The following GRIA3 variants were observed in gnomAD, a reference collection of about 807,000 sequenced individuals.
GRIA3 encodes the protein glutamate ionotropic receptor AMPA type subunit 3, also known as glutamate receptor 3.
Under a neutral mutation model 63.0 loss-of-function variants are expected in GRIA3, and 3 were observed. The ratio of observed to expected loss-of-function variants is 0.05; its 90% CI spans 0.02 to 0.12. The LOEUF (loss-of-function observed/expected upper bound fraction) is 0.12, where lower values mean the gene tolerates loss of function less well. Ranked by LOEUF, GRIA3 falls within the 10% of genes least tolerant of loss-of-function variation. The pLI is 1.00. For synonymous variants in GRIA3, 274 were observed against 257.9 expected (o/e 1.06, Z -0.60); for missense variants, 347 against 700.9 (o/e 0.50, Z 5.70).
intron 12 of GRIA3, among the ~76,000 whole-genome samples, chrX:123,463,761 G>A (rs772556862): frequency 1.0e-5 from 1 of 95,582 alleles, no homozygotes; most frequent in Non-Finnish European, 2.0e-5. Context: ...AAGAGAGAAA[G>A]AAAGAAGAGA....
chrX:123,427,489 A>G (rs1374457712), intron 11 of GRIA3, among the ~76,000 whole-genome samples: 6 of 111,448 alleles, frequency 5.4e-5, no homozygotes, highest in African/African-American at 2.0e-4. Flanking sequence ...AGAGAACTCA[A>G]TAAGTTAAAT....
intron 11 of GRIA3, among the ~76,000 whole-genome samples, chrX:123,425,966 C>T (rs2045587425): frequency 9.2e-6 from 1 of 108,852 alleles, no homozygotes; most frequent in Non-Finnish European, 1.9e-5. Context: ...TACCTTGGGA[C>T]ACAGGAATTT....
intron 2 of GRIA3, among the ~76,000 whole-genome samples, chrX:123,194,977 A>G (rs984123491): frequency 3.5e-5 from 4 of 112,835 alleles, no homozygotes; most frequent in African/African-American, 1.3e-4. Context: ...GGGAAATAAA[A>G]CAGAATGCTC....
At chrX:123,448,652 T>C (rs2045715129) in intron 12 of GRIA3, among the ~76,000 whole-genome samples, 2 of 112,114 alleles carry the variant, frequency 1.8e-5, no homozygotes, top group Non-Finnish European at 3.8e-5. Context: ...AGTATTTCGG[T>C]AGCACTAGCC....
At chrX:123,243,365 C>T (rs1293647094) in intron 2 of GRIA3, among the ~76,000 whole-genome samples, 1 of 112,130 alleles carries the variant, frequency 8.9e-6, no homozygotes, top group Non-Finnish European at 1.9e-5. Context: ...AGGTCCTCCA[C>T]GGTTGGTTCC....
intron 3 of GRIA3, among the ~76,000 whole-genome samples, chrX:123,261,058 G>A (rs894854409): frequency 5.4e-5 from 6 of 111,892 alleles, no homozygotes; most frequent in South Asian, 3.7e-4. Context: ...AGAAAGTGCC[G>A]AGCAATTTGT....
At chrX:123,233,565 C>A (rs1222053122) in intron 2 of GRIA3, among the ~76,000 whole-genome samples, 1 of 111,634 alleles carries the variant, frequency 9.0e-6, no homozygotes, top group Non-Finnish European at 1.9e-5. Flanking sequence ...ATTGCTGCCC[C>A]ACCCCTAATG....
At chrX:123,300,077 C>G (rs752587620) in intron 3 of GRIA3, among the ~76,000 whole-genome samples, 168 of 111,122 alleles carry the variant, frequency 1.5e-3, no homozygotes, top group African/African-American at 5.3e-3. Context: ...GGGATAAAGC[C>G]AACTTGATCA....
At chrX:123,345,175 C>T (rs1012180535) in intron 4 of GRIA3, among the ~76,000 whole-genome samples, 3 of 111,371 alleles carry the variant, frequency 2.7e-5, no homozygotes, top group African/African-American at 9.8e-5. Flanking sequence ...AATAGTTATG[C>T]TTCCCTGCTC....
At position 123,185,971 on chromosome X, in the gene GRIA3, T is replaced by C. The variant is rs1385977522; in HGVS notation, c.249T>C (p.Ser83=). 8.3e-7 allele frequency: 1 copy of C among 1,206,862 alleles called. No individual in the cohort carries two copies. ...TAGATCACTTGGATTCCTCCAATAG[T>C]TTTTCCGTGACAAATGCTTGTAAGT... The part of the protein sequence containing the change: ...YHVDHLDSSN[S]FSVTNAFCSQ... The change falls in exon 2 of 16, where the codon AGT becomes AGC. Residue 83 remains serine, a synonymous_variant. Transcript: ENST00000620443.
chrX:123,257,680 A>C (rs947056046), intron 3 of GRIA3, among the ~76,000 whole-genome samples: 1 of 62,903 alleles, frequency 1.6e-5, no homozygotes, highest in Non-Finnish European at 3.5e-5. Flanking sequence ...AAATTATATA[A>C]GAGAGATAGA....
At chrX:123,240,010 T>C (rs2044321284) in intron 2 of GRIA3, among the ~76,000 whole-genome samples, 1 of 112,287 alleles carries the variant, frequency 8.9e-6, no homozygotes, top group Non-Finnish European at 1.9e-5. Context: ...AGGGTTGTCC[T>C]TCTTCTTTTA....
chrX:123,312,614 G>C (rs1279154952), intron 3 of GRIA3, among the ~76,000 whole-genome samples: 1 of 111,698 alleles, frequency 9.0e-6, no homozygotes, highest in Non-Finnish European at 1.9e-5. Context: ...AGGAAGATAT[G>C]CTTTAACACA....
intron 12 of GRIA3, among the ~76,000 whole-genome samples, chrX:123,461,552 C>T (rs1007870454): frequency 8.9e-6 from 1 of 111,924 alleles, no homozygotes; most frequent in Non-Finnish European, 1.9e-5. Flanking sequence ...CCCAGCATGA[C>T]CTAATCACAG....
chrX:123,345,534 T>C (rs2045043037), intron 4 of GRIA3, among the ~76,000 whole-genome samples: 1 of 108,868 alleles, frequency 9.2e-6, no homozygotes, highest in Non-Finnish European at 1.9e-5. Flanking sequence ...TTTGAGTTCA[T>C]GGTTTTGATC....
At chrX:123,486,355 G>T (rs2045941899) in intron 15 of GRIA3, among the ~76,000 whole-genome samples, 1 of 111,909 alleles carries the variant, frequency 8.9e-6, no homozygotes, top group Non-Finnish European at 1.9e-5. Context: ...ATCCACTTTT[G>T]TGAAGCAAAA....
At chrX:123,206,864 A>C (rs1370503635) in intron 2 of GRIA3, among the ~76,000 whole-genome samples, 1 of 112,176 alleles carries the variant, frequency 8.9e-6, no homozygotes, top group African/African-American at 3.2e-5. Context: ...TAAATGCTTC[A>C]AGTGCAGCTC....
rs1336471710 is a variant in GRIA3 at position 123,349,851 on chromosome X, C to A, written c.697-5059C>A. Among the ~76,000 whole-genome samples the A allele has an allele frequency of 7.2e-5, 8 of 111,876 alleles. No individual in the cohort carries two copies. In the Admixed American group the frequency reaches 7.6e-4, roughly 11 times the overall value. ...TTACGAAGACTCAGGCAATTTAGTA[C>A]CTTGGGGGTTTTATTCATGAAGATG... On this transcript the variant is annotated intron_variant, in intron 4 of 15. Coordinates refer to ENST00000620443, the MANE Select transcript of GRIA3 (RefSeq NM_007325.5).
intron 3 of GRIA3, among the ~76,000 whole-genome samples, chrX:123,298,084 T>C (rs2044697567): frequency 8.9e-6 from 1 of 111,762 alleles, no homozygotes; most frequent in Non-Finnish European, 1.9e-5. Context: ...TTATGCTGCA[T>C]AGTATTGCAT....
Sources: gnomAD v4.1 joint callset for allele counts (sites outside exome capture counted in the v4.1 genomes callset) on GRCh38, gnomAD v4.1.1 for gene constraint, MANE v1.5 for transcripts, NCBI Gene and HGNC (gene_info 2026-07-23, HGNC 2026-07-21) for gene names.